The following COG6 variants were observed in gnomAD, a reference collection of about 807,000 sequenced individuals.
COG6 encodes component of oligomeric golgi complex 6.
A neutral mutation model predicts 88.8 loss-of-function variants in COG6; 74 were observed. The observed-to-expected ratio is 0.83, with a 90% CI of 0.69 to 1.01. The LOEUF is 1.01. Among genes scored for constraint, COG6 ranks in the 50% least tolerant of loss-of-function variants. The probability of loss-of-function intolerance (pLI) is 0.00; values close to 1 mark genes in which losing one functional copy is unlikely to be tolerated. For missense variants in COG6, 800 were observed against 797.9 expected (o/e 1.00, Z -0.03); for synonymous variants, 286 against 278.7 (o/e 1.03, Z -0.26).
At chr13:39,726,927 C>T (rs1272874055) in intron 17 of COG6, among the ~76,000 whole-genome samples, 2 of 151,832 alleles carry the variant, frequency 1.3e-5, no homozygotes, top group African/African-American at 4.8e-5. Flanking sequence ...TGTTTTATTC[C>T]TTAATAGCAT....
At chr13:39,655,988 G>A in intron 1 of COG6, 109 bp downstream of exon 1, 2 of 1,355,336 alleles carry the variant, frequency 1.5e-6, no homozygotes, top group East Asian at 2.5e-5. Context: ...CGGCAGCAGA[G>A]GGACCGCGAG....
In COG6 at chr13:39,665,141, CT is replaced by C; in HGVS notation, c.417del (p.Gln140AsnfsTer7). On this transcript the variant is annotated frameshift_variant, in exon 4 of 19. Transcript: ENST00000455146. LOFTEE classifies it high-confidence loss of function. ...AGATTTAATAGTAAAAACCACTAAGCTTCAATCTGAAAGGTAAGTTTTTCTT... is the reference window on the plus strand; with the variant it reads ...AGATTTAATAGTAAAAACCACTAAGCTCAATCTGAAAGGTAAGTTTTTCTT... ...TQDLIVKTTK[L>X]QSESQKLEIR... is the part of the protein sequence containing the mutation. 1 of 1,535,024 alleles carries C rather than the reference CT, an allele frequency of 6.5e-7. No homozygotes were observed. The highest frequency in any genetic ancestry group is 9.0e-7 in the Non-Finnish European group (1 of 1,108,964).
At chr13:39,745,191 C>T (rs1880274475) in intron 18 of COG6, among the ~76,000 whole-genome samples, 1 of 152,174 alleles carries the variant, frequency 6.6e-6, no homozygotes, top group African/African-American at 2.4e-5. Context: ...GCAAGGACTT[C>T]ATGACGAAAA....
Position 39,723,459 on chromosome 13 carries a change from C to T in COG6, c.1692+19C>T, listed in dbSNP as rs200316624. The T allele has an allele frequency of 7.4e-7, 1 of 1,352,522 alleles. No homozygotes were observed. Among genetic ancestry groups the T allele is most frequent in the Non-Finnish European group, 1.1e-6 (1 of 942,346 alleles). The allele number at this position is 1,352,522 out of a possible 1,614,324, so 83.8% of individuals were successfully genotyped here. A position where few individuals can be genotyped will look rare whatever the true frequency, so the allele number is the denominator to read the frequency against. On this transcript the variant is annotated intron_variant, in intron 16 of 18. Transcript: ENST00000455146. ...TGAACAGGTAAGTGCATAGATGTTC[C>T]TTCCTAATTCTAAGAACATGCCAGT...
At chr13:39,758,139 G>A in intron 18 of COG6, among the ~76,000 whole-genome samples, 1 of 146,536 alleles carries the variant, frequency 6.8e-6, no homozygotes, top group Non-Finnish European at 1.5e-5. Flanking sequence ...AGAATCACTT[G>A]AACCTGGGAG....
rs758028370 is a variant in COG6 at position 39,655,689 on chromosome 13, T to G, written c.-38T>G. ...TCGCGCTGCCTCCGTGGTCCCTGCC[T>G]GGCTGAGGTGGCAGCAGGGGGCGGG... On this transcript the variant is annotated 5_prime_UTR_variant, in exon 1 of 19. Transcript: ENST00000455146. 3 of 1,553,266 alleles carry G rather than the reference T, an allele frequency of 1.9e-6. No individual in the cohort carries two copies. The African/African-American group carries it at 4.3e-5, about 22-fold the overall frequency.
At chr13:39,738,782 T>C (rs1316166271) in intron 18 of COG6, among the ~76,000 whole-genome samples, 1 of 152,124 alleles carries the variant, frequency 6.6e-6, no homozygotes, top group East Asian at 1.9e-4. Flanking sequence ...AGACAGATAA[T>C]AATACCAGAG....
In COG6 at chr13:39,751,276, C is replaced by T. The variant is rs1222913008; in HGVS notation, c.*183C>T. 2.4e-5 allele frequency: 37 copies of T among 1,512,798 alleles called. No individual in the cohort carries two copies. The highest frequency in any genetic ancestry group is 4.1e-5 in the African/African-American group (3 of 72,298). 93.7% of individuals were successfully genotyped at this position (1,512,798 alleles called of 1,614,324 possible). ...ACAGGGAAGTAAGTAACATGTTGAC[C>T]TGAGCTAGTATTGCTGTGTATCTAC... On this transcript the variant is annotated 3_prime_UTR_variant, in exon 19 of 19. Transcript: ENST00000455146.
chr13:39,725,651 TAA>T (rs1184755557), intron 17 of COG6, among the ~76,000 whole-genome samples: 1 of 149,940 alleles, frequency 6.7e-6, no homozygotes, highest in African/African-American at 2.4e-5. Context: ...TATGTCGTGA[TAA>T]AAGACACTAT....
chr13:39,751,371 G>GC lies in COG6; in HGVS notation c.*279dup. 3 of 1,397,662 alleles carry GC rather than the reference G, an allele frequency of 2.1e-6. No homozygotes were observed. The highest frequency in any genetic ancestry group is 2.8e-6 in the Non-Finnish European group (3 of 1,063,294). The allele number at this position is 1,397,662 out of a possible 1,614,324, so 86.6% of individuals were successfully genotyped here. A position where few individuals can be genotyped will look rare whatever the true frequency, so the allele number is the denominator to read the frequency against. ...CTGCAGTTTTCACTGTATTCAGGAA[G>GC]CATAAAGTAGTATGAAAGGTTTGAA... On this transcript the variant is annotated 3_prime_UTR_variant, in exon 19 of 19. Coordinates refer to ENST00000455146, the MANE Select transcript of COG6 (RefSeq NM_020751.3).
At chr13:39,660,960 T>A (rs552316882) in intron 3 of COG6, 79 bp downstream of exon 3, 2 of 851,404 alleles carry the variant, frequency 2.3e-6, no homozygotes, top group Admixed American at 3.5e-5. Flanking sequence ...TGTGTAGATA[T>A]CTAATCCATA....
chr13:39,725,833 AT>A (rs1324973048), intron 17 of COG6, among the ~76,000 whole-genome samples: 5 of 152,032 alleles, frequency 3.3e-5, no homozygotes, highest in Non-Finnish European at 7.4e-5. Context: ...TTACCATACT[AT>A]CCAGTACAAT....
intron 18 of COG6, among the ~76,000 whole-genome samples, chr13:39,736,917 G>A (rs1342799070): frequency 6.6e-6 from 1 of 152,070 alleles, no homozygotes; most frequent in Non-Finnish European, 1.5e-5. Context: ...CGAAGAGGTG[G>A]GTGTTATAGT....
At chr13:39,656,018 T>A in intron 1 of COG6, 139 bp downstream of exon 1, 1 of 1,117,352 alleles carries the variant, frequency 8.9e-7, no homozygotes, top group Admixed American at 2.0e-5. Context: ...ACCTGCGGGC[T>A]CCGCTGCTCT....
chr13:39,737,905 G>A (rs1879848170), intron 18 of COG6, among the ~76,000 whole-genome samples: 1 of 152,082 alleles, frequency 6.6e-6, no homozygotes, highest in Non-Finnish European at 1.5e-5. Context: ...GCTGAGTTCT[G>A]CCTGGTGTTG....
chr13:39,722,585 G>A (rs1331139551), intron 15 of COG6, among the ~76,000 whole-genome samples: 8 of 147,412 alleles, frequency 5.4e-5, no homozygotes, highest in Non-Finnish European at 1.0e-4. Context: ...AGGAATAGAA[G>A]GAAGACCTCT....
chr13:39,730,922 A>G (rs1489689550), intron 18 of COG6, among the ~76,000 whole-genome samples: 1 of 151,488 alleles, frequency 6.6e-6, no homozygotes, highest in Non-Finnish European at 1.5e-5. Flanking sequence ...CCTGGGTTCA[A>G]GTGATTCTCC....
At chr13:39,781,985 T>A (rs1881643846) in intron 18 of COG6, among the ~76,000 whole-genome samples, 1 of 152,252 alleles carries the variant, frequency 6.6e-6, no homozygotes, top group South Asian at 2.1e-4. Context: ...TAACTTACAA[T>A]GTGAACTTGT....
intron 18 of COG6, among the ~76,000 whole-genome samples, chr13:39,788,002 C>T (rs965872038): frequency 2.6e-5 from 4 of 152,144 alleles, no homozygotes; most frequent in African/African-American, 4.8e-5. Context: ...AGTTGGCAGA[C>T]AGAAGGCAAC....
Sources: gnomAD v4.1 joint callset for allele counts (sites outside exome capture counted in the v4.1 genomes callset) on GRCh38, gnomAD v4.1.1 for gene constraint, MANE v1.5 for transcripts, NCBI Gene and HGNC (gene_info 2026-07-23, HGNC 2026-07-21) for gene names.